LSM3: variants seen among roughly 807,000 people sequenced by gnomAD.
LSM3 encodes LSM3 homolog, U6 small nuclear RNA and mRNA degradation associated, also known as U6 snRNA-associated Sm-like protein LSm3.
In LSM3, 14 loss-of-function variants were observed where a neutral mutation model predicts 15.4. The observed-to-expected ratio is 0.91, with a 90% CI of 0.60 to 1.42. LSM3 has a LOEUF of 1.42. Among genes scored for constraint, LSM3 ranks in the 40% most tolerant of loss-of-function variants. The pLI, the probability that LSM3 is intolerant of heterozygous loss-of-function variation, is 0.00. For missense variants in LSM3, 88 were observed against 127.9 expected (o/e 0.69, Z 1.50); for synonymous variants, 46 against 45.1 (o/e 1.02, Z -0.08).
chr3:14,194,502 CAT>C (rs1697170219), intron 3 of LSM3, among the ~76,000 whole-genome samples: 1 of 152,018 alleles, frequency 6.6e-6, no homozygotes, highest in South Asian at 2.1e-4. Context: ...GAGGACAGTC[CAT>C]GTTTTATTCA....
At chr3:14,192,964 C>G (rs993475748) in intron 3 of LSM3, among the ~76,000 whole-genome samples, 1 of 152,188 alleles carries the variant, frequency 6.6e-6, no homozygotes, top group Non-Finnish European at 1.5e-5. Flanking sequence ...TCTTGTGAGG[C>G]AGGCCTGGTG....
At position 14,198,414 on chromosome 3, in the gene LSM3, T is replaced by C; in HGVS notation, c.*298T>C. ...TTACTGATTTTTCTTTTCTTTAAATTGGTGTTTCCTTGTAGATTTTTTTAA... is the reference window on the plus strand; with the variant it reads ...TTACTGATTTTTCTTTTCTTTAAATCGGTGTTTCCTTGTAGATTTTTTTAA... On this transcript the variant is annotated 3_prime_UTR_variant, in exon 4 of 4. Transcript: ENST00000306024. 1 of 356,390 alleles carries C rather than the reference T, an allele frequency of 2.8e-6. No individual in the cohort carries two copies. The highest frequency in any genetic ancestry group is 5.1e-6 in the Non-Finnish European group (1 of 197,140). The allele number at this position is 356,390 out of a possible 1,614,324, so 22.1% of individuals were successfully genotyped here.
chr3:14,178,868 A>G lies in LSM3; in HGVS notation c.8A>G (p.Asp3Gly), dbSNP rs781690261. 1 of 1,614,192 alleles carries G rather than the reference A, an allele frequency of 6.2e-7. No homozygotes were observed. Among genetic ancestry groups the G allele is most frequent in the Non-Finnish European group, 8.5e-7 (1 of 1,180,038 alleles). Residue 3 changes from aspartate to glycine, a missense_variant, in exon 1 of 4, where the codon GAC becomes GGC. Coordinates refer to ENST00000306024, the MANE Select transcript of LSM3 (RefSeq NM_014463.3). ...GGGCGCAGGGTTTGAAACATGGCGG[A>G]CGACGTAGACCAGGTAAGTGTATTT... Reference protein sequence around the residue: MADDVDQQQTTNT... With the variant: MAGDVDQQQTTNT...
Position 14,188,850 on chromosome 3 carries a change from A to G in LSM3, c.228+4818A>G, listed in dbSNP as rs61452826. ...ACTTTAAGTTCTGGATTACATGTGCATAACGTGCAGTTTTGTTACAAAGGT... is the reference window on the plus strand; with the variant it reads ...ACTTTAAGTTCTGGATTACATGTGCGTAACGTGCAGTTTTGTTACAAAGGT... On this transcript the variant is annotated intron_variant, in intron 3 of 3. Coordinates refer to ENST00000306024, the MANE Select transcript of LSM3 (RefSeq NM_014463.3). Among the ~76,000 whole-genome samples the G allele has an allele frequency of 6.0e-3, 908 of 152,082 alleles. 9 individuals carry two copies. The highest frequency in any genetic ancestry group is 0.021 in the African/African-American group (851 of 41,464).
intron 3 of LSM3, among the ~76,000 whole-genome samples, chr3:14,195,351 G>A (rs369455665): frequency 7.9e-5 from 12 of 152,236 alleles, no homozygotes; most frequent in African/African-American, 2.6e-4. Flanking sequence ...TGCCCAGGAA[G>A]GAAGAAGGAA....
At position 14,178,876 on chromosome 3, in the gene LSM3, G is replaced by A; in HGVS notation, c.16G>A (p.Asp6Asn). Residue 6 changes from aspartate to asparagine, a missense_variant, in exon 1 of 4, where the codon GAC becomes AAC. By Grantham distance (23) the Asp-to-Asn change is conservative (BLOSUM62 1). Coordinates refer to ENST00000306024, the MANE Select transcript of LSM3 (RefSeq NM_014463.3). Reference sequence around the variant, plus strand: ...GGTTTGAAACATGGCGGACGACGTAGACCAGGTAAGTGTATTTTAAGGAGG... The same window carrying A: ...GGTTTGAAACATGGCGGACGACGTAAACCAGGTAAGTGTATTTTAAGGAGG... MADDV[D>N]QQQTTNTVEE... is the part of the protein sequence containing the mutation. 1 of 1,614,222 alleles carries A rather than the reference G, an allele frequency of 6.2e-7. No homozygotes were observed. The highest frequency in any genetic ancestry group is 8.5e-7 in the Non-Finnish European group (1 of 1,180,048).
chr3:14,179,708 G>A (rs908340695), intron 1 of LSM3, among the ~76,000 whole-genome samples: 1 of 152,086 alleles, frequency 6.6e-6, no homozygotes, highest in Non-Finnish European at 1.5e-5. Context: ...TTTGTCTTTG[G>A]GGTTTAGAAC....
intron 3 of LSM3, among the ~76,000 whole-genome samples, chr3:14,191,082 G>A (rs560626159): frequency 1.7e-4 from 26 of 151,470 alleles, no homozygotes; most frequent in African/African-American, 6.0e-4. Flanking sequence ...TATGTGATGG[G>A]TTACATTGAT....
Position 14,198,254 on chromosome 3 carries a change from G to C in LSM3, c.*138G>C. The C allele has an allele frequency of 1.5e-6, 1 of 652,414 alleles. No individual in the cohort carries two copies. Among genetic ancestry groups the C allele is most frequent in the Non-Finnish European group, 2.7e-6 (1 of 372,342 alleles). The allele number at this position is 652,414 out of a possible 1,614,324, so 40.4% of individuals were successfully genotyped here. A position where few individuals can be genotyped will look rare whatever the true frequency, so the allele number is the denominator to read the frequency against. On this transcript the variant is annotated 3_prime_UTR_variant, in exon 4 of 4. Transcript: ENST00000306024. ...CCGGGGATTCTTCCACTCCTGAAAT[G>C]AGTTGATTTGCAGATAACTCACAAC...
At position 14,178,884 on chromosome 3, in the gene LSM3, A is replaced by C. The variant is rs1172631246; in HGVS notation, c.21+3A>C. ...ACATGGCGGACGACGTAGACCAGGT[A>C]AGTGTATTTTAAGGAGGTCGCTCGA... On this transcript the variant is annotated splice_donor_region_variant and intron_variant, in intron 1 of 3. Coordinates refer to ENST00000306024, the MANE Select transcript of LSM3 (RefSeq NM_014463.3). 6.2e-7 allele frequency: 1 copy of C among 1,614,082 alleles called. No homozygotes were observed. Among genetic ancestry groups the C allele is most frequent in the Admixed American group, 1.7e-5 (1 of 60,030 alleles).
intron 3 of LSM3, 137 bp downstream of exon 3, chr3:14,184,169 A>C (rs1008717060): frequency 8.5e-7 from 1 of 1,175,184 alleles, no homozygotes; most frequent in East Asian, 3.1e-5. Context: ...ATTAAAAGCA[A>C]GGGTTCTGGC....
At chr3:14,182,196 C>T (rs1697045977) in intron 2 of LSM3, among the ~76,000 whole-genome samples, 1 of 152,080 alleles carries the variant, frequency 6.6e-6, no homozygotes, top group African/African-American at 2.4e-5. Flanking sequence ...CCTGTCTCTA[C>T]AAAAAATAAA....
intron 3 of LSM3, among the ~76,000 whole-genome samples, chr3:14,185,723 T>C (rs1352739187): frequency 6.6e-6 from 1 of 152,226 alleles, no homozygotes; most frequent in African/African-American, 2.4e-5. Context: ...AAACTTTTCG[T>C]ACTCTTGTTA....
chr3:14,182,210 T>A (rs1206992027), intron 2 of LSM3, among the ~76,000 whole-genome samples: 1 of 152,184 alleles, frequency 6.6e-6, no homozygotes, highest in Non-Finnish European at 1.5e-5. Flanking sequence ...AAATAAAATT[T>A]AAAAATTGGG....
At chr3:14,181,873 A>C (rs936644041) in intron 2 of LSM3, among the ~76,000 whole-genome samples, 2 of 152,240 alleles carry the variant, frequency 1.3e-5, no homozygotes, top group African/African-American at 4.8e-5. Context: ...TTTATTATAG[A>C]ACATTTTTAT....
chr3:14,179,195 A>G (rs1184016686), intron 1 of LSM3, among the ~76,000 whole-genome samples: 1 of 152,242 alleles, frequency 6.6e-6, no homozygotes, highest in Non-Finnish European at 1.5e-5. Context: ...AGTTGTTATC[A>G]TTAGTGAGCG....
At position 14,192,426 on chromosome 3, in the gene LSM3, A is replaced by G. The variant is rs192821840; in HGVS notation, c.229-5610A>G. 2.8e-4 allele frequency among the ~76,000 whole-genome samples: 43 copies of G among 152,288 alleles called. 1 individual carries two copies. The highest frequency in any genetic ancestry group is 1.2e-3 in the Admixed American group (18 of 15,298). The stretch of plus-strand genomic sequence containing the variant: ...ATTGTGTGGGAGTCTAAGTCTCTTT[A>G]TAGGTCTCTAAGAACTTGTTTTATG... On this transcript the variant is annotated intron_variant, in intron 3 of 3. Transcript: ENST00000306024.
intron 1 of LSM3, among the ~76,000 whole-genome samples, chr3:14,180,820 CCTTTTTTTTTT>C (rs1697028237): frequency 3.7e-4 from 19 of 51,416 alleles, no homozygotes; most frequent in African/African-American, 1.1e-3. Context: ...TGCTTGCTTG[CCTTTTTTTTTT>C]TTTTTTTTTT....
intron 3 of LSM3, among the ~76,000 whole-genome samples, chr3:14,196,741 G>C (rs1697190683): frequency 6.6e-6 from 1 of 152,196 alleles, no homozygotes; most frequent in Non-Finnish European, 1.5e-5. Context: ...ACCCTAAATG[G>C]GGTCCGCAGA....
Sources: allele counts gnomAD v4.1 joint callset (sites outside exome capture counted in the v4.1 genomes callset), GRCh38; gene constraint gnomAD v4.1.1; transcripts MANE v1.5; gene names NCBI Gene and HGNC (gene_info 2026-07-23, HGNC 2026-07-21).